FOXP1: variants seen among roughly 807,000 people sequenced by gnomAD.
FOXP1 encodes the protein forkhead box P1, also known as forkhead box protein P1.
FOXP1 carries 15 observed loss-of-function variants against 98.2 expected under a neutral mutation model. That is an observed-to-expected ratio of 0.15 (90% CI 0.10 to 0.24). The LOEUF (loss-of-function observed/expected upper bound fraction) is 0.24. FOXP1 is among the 10% of genes least tolerant of loss of function. FOXP1 has a pLI of 1.00. For synonymous variants in FOXP1, 371 were observed against 314.5 expected (o/e 1.18, Z -1.90); for missense variants, 633 against 848.5 (o/e 0.75, Z 3.15).
intron 3 of FOXP1, among the ~76,000 whole-genome samples, chr3:71,384,071 T>C (rs1344123721): frequency 6.6e-6 from 1 of 151,992 alleles, no homozygotes; most frequent in Non-Finnish European, 1.5e-5. Context: ...ACAAAAAAAT[T>C]AGCCAGGCAT....
At chr3:71,059,037 T>C (rs2051097425) in intron 7 of FOXP1, among the ~76,000 whole-genome samples, 1 of 152,224 alleles carries the variant, frequency 6.6e-6, no homozygotes, top group Non-Finnish European at 1.5e-5. Flanking sequence ...ATTATATTAA[T>C]GCAAAATCAT....
At chr3:70,975,072 G>A (rs1013965214) in intron 17 of FOXP1, among the ~76,000 whole-genome samples, 3 of 152,114 alleles carry the variant, frequency 2.0e-5, no homozygotes, top group Non-Finnish European at 4.4e-5. Flanking sequence ...AAAATTATAC[G>A]TATTTATGAG....
At chr3:71,178,680 G>A (rs1407359798) in intron 6 of FOXP1, among the ~76,000 whole-genome samples, 2 of 151,576 alleles carry the variant, frequency 1.3e-5, no homozygotes, top group East Asian at 2.0e-4. Flanking sequence ...TCAGGAGATC[G>A]AGACCATCCT....
At chr3:70,978,743 A>G (rs1409061456) in intron 14 of FOXP1, among the ~76,000 whole-genome samples, 1 of 152,152 alleles carries the variant, frequency 6.6e-6, no homozygotes, top group South Asian at 2.1e-4. Flanking sequence ...TCAATCAATC[A>G]ATCAGTTGGC....
intron 3 of FOXP1, among the ~76,000 whole-genome samples, chr3:71,424,841 A>C (rs1435701850): frequency 6.6e-6 from 1 of 152,194 alleles, no homozygotes; most frequent in East Asian, 1.9e-4. Flanking sequence ...CCCATTGGAG[A>C]AGCCAAACAC....
intron 3 of FOXP1, among the ~76,000 whole-genome samples, chr3:71,479,190 G>A (rs2090086087): frequency 6.6e-6 from 1 of 151,986 alleles, no homozygotes; most frequent in South Asian, 2.1e-4. Flanking sequence ...CTGGGACTGG[G>A]GAGTTACCAC....
chr3:71,349,745 A>G (rs1360301408), intron 4 of FOXP1, among the ~76,000 whole-genome samples: 2 of 152,224 alleles, frequency 1.3e-5, no homozygotes, highest in African/African-American at 4.8e-5. Flanking sequence ...AGGTATAAAA[A>G]TCATAGATAC....
chr3:71,316,301 C>T (rs748515889), intron 4 of FOXP1, among the ~76,000 whole-genome samples: 2 of 152,204 alleles, frequency 1.3e-5, no homozygotes, highest in African/African-American at 4.8e-5. Context: ...GACTTTCCTG[C>T]CTCCTCCACG....
intron 3 of FOXP1, among the ~76,000 whole-genome samples, chr3:71,408,076 A>G (rs2082477888): frequency 6.6e-6 from 1 of 152,156 alleles, no homozygotes; most frequent in Admixed American, 6.5e-5. Context: ...CAACTACATT[A>G]AAGTTATTCC....
chr3:71,085,735 C>CTTTTTTTTTTT lies in FOXP1; in HGVS notation c.282+26790_282+26800dup, dbSNP rs56318177. Among the ~76,000 whole-genome samples, 118 of 37,030 alleles carry CTTTTTTTTTTT rather than the reference C, an allele frequency of 3.2e-3. 42 individuals carry two copies. Among genetic ancestry groups the CTTTTTTTTTTT allele is most frequent in the African/African-American group, 5.9e-3 (60 of 10,120 alleles). 24.3% of individuals were successfully genotyped at this position (37,030 alleles called of 152,430 possible). Reference sequence around the variant, plus strand: ...TTGTATGGTGGGTATCATTTATGGCCTTTTTTTTTTTTTTACATGGAGTCT... The same window carrying CTTTTTTTTTTT: ...TTGTATGGTGGGTATCATTTATGGCCTTTTTTTTTTTTTTTTTTTTTTTTTACATGGAGTCT... On this transcript the variant is annotated intron_variant, in intron 7 of 20. Transcript: ENST00000649528.
intron 2 of FOXP1, among the ~76,000 whole-genome samples, chr3:71,500,589 C>T (rs1330190310): frequency 6.6e-6 from 1 of 152,234 alleles, no homozygotes; most frequent in East Asian, 1.9e-4. Flanking sequence ...CTTCCACTAC[C>T]ATCATCTGGA....
intron 17 of FOXP1, among the ~76,000 whole-genome samples, chr3:70,974,335 G>A (rs2037035286): frequency 6.6e-6 from 1 of 151,418 alleles, no homozygotes; most frequent in Non-Finnish European, 1.5e-5. Flanking sequence ...GTCTTGCTCT[G>A]TTGCCTGACT....
At chr3:70,969,127 T>C (rs2035622803) in intron 19 of FOXP1, 1 of 151,930 alleles carries the variant, frequency 6.6e-6, no homozygotes, top group Non-Finnish European at 1.5e-5. Flanking sequence ...TCACTTTTTT[T>C]TTTTTTTTGC....
At chr3:71,350,798 G>A (rs1045812382) in intron 4 of FOXP1, among the ~76,000 whole-genome samples, 10 of 152,254 alleles carry the variant, frequency 6.6e-5, no homozygotes, top group East Asian at 3.9e-4. Context: ...AGTACCCGAC[G>A]TGGTACATAA....
intron 3 of FOXP1, among the ~76,000 whole-genome samples, chr3:71,400,196 G>A (rs997276387): frequency 5.3e-5 from 8 of 151,974 alleles, no homozygotes; most frequent in South Asian, 2.1e-4. Context: ...TAATATTGAC[G>A]TAAATCTTAT....
At chr3:71,176,046 A>G (rs1424113841) in intron 6 of FOXP1, among the ~76,000 whole-genome samples, 4 of 152,236 alleles carry the variant, frequency 2.6e-5, no homozygotes, top group Non-Finnish European at 5.9e-5. Context: ...CTAACTCATT[A>G]ATCAGTGAAG....
intron 3 of FOXP1, among the ~76,000 whole-genome samples, chr3:71,448,488 C>T (rs963858269): frequency 2.3e-4 from 35 of 152,142 alleles, no homozygotes; most frequent in African/African-American, 8.0e-4. Flanking sequence ...TGGTTAAGAT[C>T]ACTGGTATTA....
intron 4 of FOXP1, among the ~76,000 whole-genome samples, chr3:71,317,691 A>G (rs2107653093): frequency 6.6e-6 from 1 of 152,156 alleles, no homozygotes; most frequent in African/African-American, 2.4e-5. Context: ...TCTTCCCCCA[A>G]ATACAATACT....
chr3:71,008,799 A>C (rs2043132436), intron 12 of FOXP1, among the ~76,000 whole-genome samples: 1 of 152,064 alleles, frequency 6.6e-6, no homozygotes, highest in Non-Finnish European at 1.5e-5. Flanking sequence ...GAATGATCAC[A>C]GAAAAGTGTC....
Sources: gnomAD v4.1 joint callset for allele counts (sites outside exome capture counted in the v4.1 genomes callset) on GRCh38, gnomAD v4.1.1 for gene constraint, MANE v1.5 for transcripts, NCBI Gene and HGNC (gene_info 2026-07-23, HGNC 2026-07-21) for gene names.